The following YIPF4 variants were observed in gnomAD, a reference collection of about 807,000 sequenced individuals.
YIPF4 encodes the protein Yip1 domain family member 4.
YIPF4 carries 18 observed loss-of-function variants against 29.4 expected under a neutral mutation model. The ratio of observed to expected loss-of-function variants is 0.61; its 90% CI spans 0.42 to 0.91. The LOEUF (loss-of-function observed/expected upper bound fraction) is 0.91. Ranked by LOEUF, YIPF4 falls within the 40% of genes least tolerant of loss-of-function variation. The pLI is 0.00. For synonymous variants in YIPF4, 115 were observed against 104.7 expected (o/e 1.10, Z -0.60); for missense variants, 279 against 282.7 (o/e 0.99, Z 0.09).
chr2:32,303,413 A>T (rs1356469826), intron 5 of YIPF4, among the ~76,000 whole-genome samples: 1 of 152,212 alleles, frequency 6.6e-6, no homozygotes, highest in Non-Finnish European at 1.5e-5. Flanking sequence ...GTTATTACAA[A>T]TATTATAAAA....
At chr2:32,294,326 C>T (rs549723670) in intron 3 of YIPF4, among the ~76,000 whole-genome samples, 9 of 150,454 alleles carry the variant, frequency 6.0e-5, no homozygotes, top group African/African-American at 1.2e-4. Context: ...GGCTGCCGGG[C>T]GGACGGGCTC....
At chr2:32,299,141 T>C (rs955219486) in intron 4 of YIPF4, among the ~76,000 whole-genome samples, 1 of 152,174 alleles carries the variant, frequency 6.6e-6, no homozygotes, top group Non-Finnish European at 1.5e-5. Context: ...CGCAAAGTGC[T>C]AGGATTACCG....
chr2:32,295,652 A>G (rs1009017505), intron 3 of YIPF4, among the ~76,000 whole-genome samples: 1 of 152,070 alleles, frequency 6.6e-6, no homozygotes, highest in African/African-American at 2.4e-5. Context: ...TGCCCAGGCT[A>G]GAGTGCAATG....
intron 1 of YIPF4, among the ~76,000 whole-genome samples, chr2:32,286,671 G>A (rs528331947): frequency 1.1e-3 from 163 of 151,932 alleles, no homozygotes; most frequent in African/African-American, 3.6e-3. Flanking sequence ...TCAGCCTCCC[G>A]AGTAGCTGGG....
chr2:32,298,185 T>G (rs373113043), intron 3 of YIPF4, 49 bp from the exon 4 acceptor site: 245 of 1,394,708 alleles, frequency 1.8e-4, no homozygotes, highest in Non-Finnish European at 2.4e-4. Context: ...TGGAAAATTA[T>G]CATCTTATTT....
At chr2:32,287,155 G>A (rs2030713251) in intron 1 of YIPF4, among the ~76,000 whole-genome samples, 1 of 152,142 alleles carries the variant, frequency 6.6e-6, no homozygotes. Flanking sequence ...TGAGGTAGTT[G>A]AATCGCTTGA....
At chr2:32,291,809 C>T (rs1313723810) in intron 2 of YIPF4, among the ~76,000 whole-genome samples, 1 of 152,144 alleles carries the variant, frequency 6.6e-6, no homozygotes, top group Non-Finnish European at 1.5e-5. Context: ...CACTGGTTCT[C>T]ATATGGGTTT....
Position 32,305,796 on chromosome 2 carries a change from A to G in YIPF4, c.*170A>G, listed in dbSNP as rs957095039. 31 of 1,233,494 alleles carry G rather than the reference A, an allele frequency of 2.5e-5. 1 individual carries two copies. The highest frequency in any genetic ancestry group is 2.1e-4 in the South Asian group (6 of 27,908). 76.4% of individuals were successfully genotyped at this position (1,233,494 alleles called of 1,614,324 possible). ...ATTTTTTTTTGTATTTAATTAAGCA[A>G]TTGCAGTTATCTGGGATTTTTGGGT... On this transcript the variant is annotated 3_prime_UTR_variant, in exon 6 of 6. Coordinates refer to ENST00000238831, the MANE Select transcript of YIPF4 (RefSeq NM_032312.4).
chr2:32,279,126 C>T (rs1361253447), intron 1 of YIPF4, among the ~76,000 whole-genome samples: 3 of 151,824 alleles, frequency 2.0e-5, no homozygotes, highest in Non-Finnish European at 4.4e-5. Flanking sequence ...CGCCACCACC[C>T]CCGACTAATT....
At position 32,305,517 on chromosome 2, in the gene YIPF4, G is replaced by A; in HGVS notation, c.626G>A (p.Ser209Asn). 1 of 1,609,360 alleles carries A rather than the reference G, an allele frequency of 6.2e-7. No homozygotes were observed. The highest frequency in any genetic ancestry group is 8.5e-7 in the Non-Finnish European group (1 of 1,177,868). The change falls in exon 6 of 6, where the codon AGT becomes AAT. Residue 209 changes from serine (S) to asparagine (N), a missense_variant. Transcript: ENST00000238831. ...TTTGGTGTGTTTTGGGCTGCCTACA[G>A]TGCTGCTTCATTGTTAGTGGGTGAA... Reference protein sequence around the residue: ...KLFGVFWAAYSAASLLVGEEF... With the variant: ...KLFGVFWAAYNAASLLVGEEF...
intron 1 of YIPF4, among the ~76,000 whole-genome samples, chr2:32,285,691 T>C (rs988247814): frequency 2.0e-4 from 30 of 150,782 alleles, no homozygotes; most frequent in African/African-American, 7.3e-4. Flanking sequence ...AGTCTTGCTG[T>C]GTCACCCAGG....
At position 32,305,809 on chromosome 2, in the gene YIPF4, G is replaced by T; in HGVS notation, c.*183G>T. On this transcript the variant is annotated 3_prime_UTR_variant, in exon 6 of 6. Coordinates refer to ENST00000238831, the MANE Select transcript of YIPF4 (RefSeq NM_032312.4). ...TTTAATTAAGCAATTGCAGTTATCTGGGATTTTTGGGTCAGAATTTTAAAT... is the reference window on the plus strand; with the variant it reads ...TTTAATTAAGCAATTGCAGTTATCTTGGATTTTTGGGTCAGAATTTTAAAT... 9 of 1,218,362 alleles carry T rather than the reference G, an allele frequency of 7.4e-6. No homozygotes were observed. The highest frequency in any genetic ancestry group is 9.2e-6 in the Non-Finnish European group (9 of 979,946). The allele number at this position is 1,218,362 out of a possible 1,614,324, so 75.5% of individuals were successfully genotyped here.
chr2:32,293,912 C>T (rs2148963007), intron 3 of YIPF4, among the ~76,000 whole-genome samples: 1 of 144,446 alleles, frequency 6.9e-6, no homozygotes, highest in Non-Finnish European at 1.5e-5. Context: ...CCACCTCCCT[C>T]CCGGACGGGG....
intron 1 of YIPF4, among the ~76,000 whole-genome samples, chr2:32,281,502 A>G (rs2148957012): frequency 6.6e-6 from 1 of 152,270 alleles, no homozygotes; most frequent in Non-Finnish European, 1.5e-5. Flanking sequence ...TTGGCCTCCC[A>G]AAGTACTGGG....
In YIPF4 at chr2:32,278,264, C is replaced by T. The variant is rs1446584516; in HGVS notation, c.79+30C>T. The T allele has an allele frequency of 3.3e-6, 5 of 1,531,300 alleles. No homozygotes were observed. In the East Asian group the frequency reaches 7.8e-5, roughly 24 times the overall value. 94.9% of individuals were successfully genotyped at this position (1,531,300 alleles called of 1,614,324 possible). On this transcript the variant is annotated intron_variant, in intron 1 of 5. Transcript: ENST00000238831. ...GGCTGAGCCCCTGGAAGGGCTATCA[C>T]CCGGAGGAAGCCAGGGCCCGACGCC...
At position 32,284,935 on chromosome 2, in the gene YIPF4, A is replaced by C. The variant is rs534714410; in HGVS notation, c.80-5548A>C. On this transcript the variant is annotated intron_variant, in intron 1 of 5. Coordinates refer to ENST00000238831, the MANE Select transcript of YIPF4 (RefSeq NM_032312.4). Reference sequence around the variant, plus strand: ...ATTATTGGACTTGAGCTAGAAAAGCAACTGGGGGAGGGAGATGAAGGATTC... The same window carrying C: ...ATTATTGGACTTGAGCTAGAAAAGCCACTGGGGGAGGGAGATGAAGGATTC... 5.9e-5 allele frequency among the ~76,000 whole-genome samples: 9 copies of C among 152,256 alleles called. 1 individual carries two copies. In the South Asian group the frequency reaches 1.9e-3, roughly 32 times the overall value.
At chr2:32,284,260 C>T (rs1274827368) in intron 1 of YIPF4, among the ~76,000 whole-genome samples, 1 of 152,012 alleles carries the variant, frequency 6.6e-6, no homozygotes, top group Admixed American at 6.6e-5. Flanking sequence ...TGATAAATAT[C>T]GTGAAGGAAA....
chr2:32,284,886 C>T (rs1558474102), intron 1 of YIPF4, among the ~76,000 whole-genome samples: 1 of 151,996 alleles, frequency 6.6e-6, no homozygotes, highest in Non-Finnish European at 1.5e-5. Context: ...GTAAGTGGGC[C>T]TGGATAAGAT....
intron 1 of YIPF4, among the ~76,000 whole-genome samples, chr2:32,278,545 T>G (rs1044421562): frequency 2.6e-5 from 4 of 152,086 alleles, no homozygotes; most frequent in Non-Finnish European, 5.9e-5. Flanking sequence ...CTTTTAGTTC[T>G]GGAATTACTC....
Sources: allele counts gnomAD v4.1 joint callset (sites outside exome capture counted in the v4.1 genomes callset), GRCh38; gene constraint gnomAD v4.1.1; transcripts MANE v1.5; gene names NCBI Gene and HGNC (gene_info 2026-07-23, HGNC 2026-07-21).